The following CNTNAP2 variants were observed in gnomAD, a reference collection of about 807,000 sequenced individuals.
CNTNAP2 encodes contactin associated protein 2.
Under a neutral mutation model 155.2 loss-of-function variants are expected in CNTNAP2, and 98 were observed. The observed-to-expected ratio is 0.63, with a 90% CI of 0.54 to 0.75. The LOEUF is 0.75. Among genes scored for constraint, CNTNAP2 ranks in the 30% least tolerant of loss-of-function variants. The pLI is 0.00. For synonymous variants in CNTNAP2, 651 were observed against 631.2 expected (o/e 1.03, Z -0.47); for missense variants, 1,727 against 1,688.1 (o/e 1.02, Z -0.40).
intron 12 of CNTNAP2, among the ~76,000 whole-genome samples, chr7:147,602,041 G>C (rs1047308175): frequency 1.2e-4 from 18 of 152,126 alleles, no homozygotes; most frequent in African/African-American, 4.1e-4. Context: ...TTTTATAATT[G>C]TTGCAGTATC....
intron 13 of CNTNAP2, among the ~76,000 whole-genome samples, chr7:147,743,824 G>A (rs1489103031): frequency 6.6e-6 from 1 of 151,988 alleles, no homozygotes; most frequent in Non-Finnish European, 1.5e-5. Context: ...CCAGCTCCGT[G>A]GCTTCTCCCC....
At chr7:146,488,243 T>G in intron 1 of CNTNAP2, among the ~76,000 whole-genome samples, 1 of 147,750 alleles carries the variant, frequency 6.8e-6, no homozygotes, top group East Asian at 2.0e-4. Flanking sequence ...CTTTCTTTCT[T>G]TCCTCCCTTC....
intron 15 of CNTNAP2, among the ~76,000 whole-genome samples, chr7:148,108,394 G>C (rs6464853): frequency 6.6e-6 from 1 of 151,592 alleles, no homozygotes; most frequent in Non-Finnish European, 1.5e-5. Flanking sequence ...GAGATGAAGA[G>C]ATAGGGAGTA....
intron 8 of CNTNAP2, among the ~76,000 whole-genome samples, chr7:147,216,075 T>G (rs1010267716): frequency 1.4e-4 from 21 of 152,226 alleles, no homozygotes; most frequent in African/African-American, 5.1e-4. Flanking sequence ...TTTTATGTTT[T>G]GAAAAACAGT....
In CNTNAP2 at chr7:146,816,605, A is replaced by G. The variant is rs969969716; in HGVS notation, c.209-23106A>G. Among the ~76,000 whole-genome samples the G allele has an allele frequency of 2.7e-4, 41 of 152,192 alleles. 1 individual carries two copies. Among genetic ancestry groups the G allele is most frequent in the African/African-American group, 9.4e-4 (39 of 41,452 alleles). On this transcript the variant is annotated intron_variant, in intron 2 of 23. Transcript: ENST00000361727. ...TACCACTAAAGATGTTAACCTAAGG[A>G]AAGTATAGAGTTATCAGTAATAACA...
chr7:148,382,533 C>T (rs1799089349), intron 21 of CNTNAP2, among the ~76,000 whole-genome samples: 1 of 152,204 alleles, frequency 6.6e-6, no homozygotes. Flanking sequence ...ACAAAACTAA[C>T]ACTGGTTCAC....
chr7:148,267,106 T>A lies in CNTNAP2; in HGVS notation c.3455T>A (p.Leu1152His). 1 of 1,614,118 alleles carries A rather than the reference T, an allele frequency of 6.2e-7. No individual in the cohort carries two copies. The highest frequency in any genetic ancestry group is 8.5e-7 in the Non-Finnish European group (1 of 1,179,958). Residue 1152 changes from leucine to histidine, a missense_variant, in exon 21 of 24, where the codon CTC becomes CAC. Coordinates refer to ENST00000361727, the MANE Select transcript of CNTNAP2 (RefSeq NM_014141.6). ...SDTLFNSPKSLFLGKVIETGK... is the reference protein window; with the variant it reads ...SDTLFNSPKSHFLGKVIETGK... The stretch of plus-strand genomic sequence containing the variant: ...ACCCTCTTCAATTCTCCCAAGTCGC[T>A]CTTTCTGGGAAAAGTTATAGGTAAG...
intron 14 of CNTNAP2, among the ~76,000 whole-genome samples, chr7:147,940,527 A>ATTAT (rs534740942): frequency 3.3e-4 from 50 of 151,880 alleles, no homozygotes; most frequent in East Asian, 5.8e-4. Flanking sequence ...TTCTTTTTTA[A>ATTAT]TTATTTATTT....
chr7:146,667,508 G>T (rs1467297349), intron 1 of CNTNAP2, among the ~76,000 whole-genome samples: 1 of 151,728 alleles, frequency 6.6e-6, no homozygotes, highest in Non-Finnish European at 1.5e-5. Flanking sequence ...TATTTCTGTG[G>T]AGTGTCGTTT....
intron 3 of CNTNAP2, among the ~76,000 whole-genome samples, chr7:146,996,082 A>G (rs577247437): frequency 6.6e-6 from 1 of 152,112 alleles, no homozygotes; most frequent in East Asian, 1.9e-4. Flanking sequence ...TTGATTTTAT[A>G]TATGGTGAGA....
intron 3 of CNTNAP2, among the ~76,000 whole-genome samples, chr7:147,006,855 T>TGACAC (rs1798534919): frequency 6.6e-6 from 1 of 152,012 alleles, no homozygotes; most frequent in South Asian, 2.1e-4. Flanking sequence ...TTCTGCCAAG[T>TGACAC]GACACACAGG....
At chr7:147,539,686 T>G (rs781727299) in intron 11 of CNTNAP2, among the ~76,000 whole-genome samples, 2 of 152,154 alleles carry the variant, frequency 1.3e-5, no homozygotes, top group Non-Finnish European at 2.9e-5. Context: ...GAGACTGAGA[T>G]CCCTACACCA....
chr7:147,689,995 A>G (rs141021166), intron 13 of CNTNAP2, among the ~76,000 whole-genome samples: 2,498 of 152,150 alleles, frequency 0.016, 222 homozygotes, highest in Admixed American at 0.15. Flanking sequence ...CGGTGTAGGA[A>G]CCAATCAGTG....
At chr7:146,429,633 T>G (rs1371177398) in intron 1 of CNTNAP2, among the ~76,000 whole-genome samples, 1 of 152,096 alleles carries the variant, frequency 6.6e-6, no homozygotes, top group African/African-American at 2.4e-5. Flanking sequence ...TGGGCTGAGA[T>G]GATGGGGTTT....
chr7:147,329,425 A>G (rs1795517658), intron 9 of CNTNAP2, among the ~76,000 whole-genome samples: 1 of 152,064 alleles, frequency 6.6e-6, no homozygotes, highest in African/African-American at 2.4e-5. Flanking sequence ...AGAATGATAA[A>G]AGATCCAGTT....
rs994508015 is a variant in CNTNAP2, at chr7:147,132,481, C to G, written c.1320C>G (p.Thr440=). 6.2e-7 allele frequency: 1 copy of G among 1,613,558 alleles called. No homozygotes were observed. The highest frequency in any genetic ancestry group is 1.1e-5 in the South Asian group (1 of 91,068). Reference sequence around the variant, plus strand: ...GTGTTCACATCAACATCACACAGACCAAGATGAGCCAAATCGATATTTCCT... The same window carrying G: ...GTGTTCACATCAACATCACACAGACGAAGATGAGCCAAATCGATATTTCCT... ...KVGVHINITQ[T]KMSQIDISSG... Residue 440 remains threonine, a synonymous_variant, in exon 8 of 24, where the codon ACC becomes ACG. Coordinates refer to ENST00000361727, the MANE Select transcript of CNTNAP2 (RefSeq NM_014141.6).
At chr7:146,326,292 C>CGT (rs1554417323) in intron 1 of CNTNAP2, among the ~76,000 whole-genome samples, 2 of 152,248 alleles carry the variant, frequency 1.3e-5, no homozygotes, top group African/African-American at 4.8e-5. Context: ...TTTATATACA[C>CGT]GATTCAGAAA....
intron 1 of CNTNAP2, among the ~76,000 whole-genome samples, chr7:146,475,011 GCGCACACACACA>G (rs1447371321): frequency 7.4e-5 from 10 of 134,656 alleles, no homozygotes; most frequent in African/African-American, 2.7e-4. Context: ...GCGCGCGCGC[GCGCACACACACA>G]CACACACACA....
chr7:147,072,031 G>T (rs2129265737), intron 4 of CNTNAP2, among the ~76,000 whole-genome samples: 1 of 152,232 alleles, frequency 6.6e-6, no homozygotes, highest in East Asian at 1.9e-4. Flanking sequence ...ACTCATCCTG[G>T]AGGATGGTAG....
Sources: allele counts gnomAD v4.1 joint callset (sites outside exome capture counted in the v4.1 genomes callset), GRCh38; gene constraint gnomAD v4.1.1; transcripts MANE v1.5; gene names NCBI Gene and HGNC (gene_info 2026-07-23, HGNC 2026-07-21).